The following RAD50 variants were observed in gnomAD, a reference collection of about 807,000 sequenced individuals.
RAD50 encodes RAD50 double strand break repair protein, also known as DNA repair protein RAD50.
In RAD50, 132 loss-of-function variants were observed where a neutral mutation model predicts 168.8. The observed-to-expected ratio is 0.78, with a 90% CI of 0.68 to 0.90. The LOEUF is 0.90. Ranked by LOEUF, RAD50 falls within the 40% of genes least tolerant of loss-of-function variation. RAD50 has a pLI of 0.00. For synonymous variants in RAD50, 525 were observed against 497.4 expected (o/e 1.06, Z -0.74); for missense variants, 1,347 against 1,534.4 (o/e 0.88, Z 2.04).
chr5:132,638,504 G>C (rs1253035856), intron 23 of RAD50, among the ~76,000 whole-genome samples: 1 of 152,174 alleles, frequency 6.6e-6, no homozygotes, highest in Non-Finnish European at 1.5e-5. Flanking sequence ...AGTTTTCATG[G>C]CACTCCTTAT....
rs1369746254 is a variant in RAD50, at chr5:132,609,282, G to A, written c.2923-1G>A. 1 of 1,609,626 alleles carries A rather than the reference G, an allele frequency of 6.2e-7. No individual in the cohort carries two copies. Among genetic ancestry groups the A allele is most frequent in the Admixed American group, 1.7e-5 (1 of 59,410 alleles). Reference sequence around the variant, plus strand: ...TGCTTAAAGAATTTTCTTTTTTGTAGCAAAAAGAAACTGAACTTAATAAAG... The same window carrying A: ...TGCTTAAAGAATTTTCTTTTTTGTAACAAAAAGAAACTGAACTTAATAAAG... On this transcript the variant is annotated splice_acceptor_variant, in intron 18 of 24. Transcript: ENST00000378823. LOFTEE classifies it high-confidence loss of function.
intron 19 of RAD50, among the ~76,000 whole-genome samples, chr5:132,614,534 T>C (rs1751141550): frequency 6.6e-6 from 1 of 152,030 alleles, no homozygotes; most frequent in African/African-American, 2.4e-5. Context: ...TCTAGGATGC[T>C]CAAGTCCCTT....
rs375601920 is a variant in RAD50 at position 132,589,607 on chromosome 5, C to T, written c.1246-24C>T. 8 of 1,492,296 alleles carry T rather than the reference C, an allele frequency of 5.4e-6. No homozygotes were observed. The African/African-American group carries it at 1.1e-4, about 21-fold the overall frequency. The allele number at this position is 1,492,296 out of a possible 1,614,324, so 92.4% of individuals were successfully genotyped here. A position where few individuals can be genotyped will look rare whatever the true frequency, so the allele number is the denominator to read the frequency against. On this transcript the variant is annotated intron_variant, in intron 8 of 24. Transcript: ENST00000378823. ...TAAATTGTTTAGTAAATTATTAATG[C>T]TCATTCTTTACATATGCATTTAGAA...
chr5:132,634,699 G>A (rs1482887300), intron 21 of RAD50, among the ~76,000 whole-genome samples: 4 of 152,056 alleles, frequency 2.6e-5, no homozygotes, highest in Non-Finnish European at 5.9e-5. Flanking sequence ...GGATATCTGA[G>A]GGAGTCATTT....
At chr5:132,638,617 A>G (rs911074059) in intron 23 of RAD50, among the ~76,000 whole-genome samples, 36 of 152,228 alleles carry the variant, frequency 2.4e-4, no homozygotes, top group African/African-American at 8.4e-4. Flanking sequence ...TTCAGAATCA[A>G]TGACATAATA....
At chr5:132,641,717 T>C (rs1561661524) in intron 24 of RAD50, 1 of 163,490 alleles carries the variant, frequency 6.1e-6, no homozygotes, top group Non-Finnish European at 1.3e-5. Flanking sequence ...TAGACCCAGC[T>C]CTTAAGAAAG....
At chr5:132,616,461 A>G (rs1382030657) in intron 20 of RAD50, among the ~76,000 whole-genome samples, 1 of 152,248 alleles carries the variant, frequency 6.6e-6, no homozygotes, top group Non-Finnish European at 1.5e-5. Context: ...TGTCTGGGTC[A>G]GAGCTTGTAC....
rs749520325 is a variant in RAD50, at chr5:132,642,990, A to G, written c.*626A>G. ...TCAGTACCCACCACCTTCTTCTCCT[A>G]CATATCCCTTCCAGATGGTCATCCA... On this transcript the variant is annotated 3_prime_UTR_variant, in exon 25 of 25. Transcript: ENST00000378823. 4 of 528,068 alleles carry G rather than the reference A, an allele frequency of 7.6e-6. No individual in the cohort carries two copies. The highest frequency in any genetic ancestry group is 6.2e-5 in the South Asian group (4 of 64,798). 32.7% of individuals were successfully genotyped at this position (528,068 alleles called of 1,614,324 possible). A position where few individuals can be genotyped will look rare whatever the true frequency, so the allele number is the denominator to read the frequency against.
At chr5:132,621,404 C>T (rs368632587) in intron 21 of RAD50, among the ~76,000 whole-genome samples, 1 of 152,094 alleles carries the variant, frequency 6.6e-6, no homozygotes, top group South Asian at 2.1e-4. Flanking sequence ...TTAGTTTTAC[C>T]TTGTTTTTAA....
chr5:132,640,266 G>C (rs941590493), intron 23 of RAD50, among the ~76,000 whole-genome samples: 1 of 152,194 alleles, frequency 6.6e-6, no homozygotes, highest in African/African-American at 2.4e-5. Flanking sequence ...ACGTGTCGAA[G>C]TTTTCTAACA....
chr5:132,624,067 A>G (rs1291460053), intron 21 of RAD50, among the ~76,000 whole-genome samples: 1 of 152,212 alleles, frequency 6.6e-6, no homozygotes, highest in Non-Finnish European at 1.5e-5. Context: ...TTTTTGTTAG[A>G]TTAAGTTTAA....
At chr5:132,639,381 A>T (rs111898425) in intron 23 of RAD50, among the ~76,000 whole-genome samples, 1 of 150,978 alleles carries the variant, frequency 6.6e-6, no homozygotes, top group East Asian at 1.9e-4. Flanking sequence ...AGAACATGCC[A>T]TGCATATATG....
chr5:132,603,151 A>G (rs1261003216), intron 13 of RAD50, 149 bp from the exon 14 acceptor site: 1 of 738,152 alleles, frequency 1.4e-6, no homozygotes, highest in Non-Finnish European at 2.2e-6. Context: ...GTAATAAGAC[A>G]TATTGATATC....
chr5:132,610,450 G>A (rs1751065300), intron 19 of RAD50, among the ~76,000 whole-genome samples: 1 of 151,966 alleles, frequency 6.6e-6, no homozygotes, highest in Non-Finnish European at 1.5e-5. Context: ...ATCATATTAA[G>A]AAGCCATCAT....
intron 2 of RAD50, among the ~76,000 whole-genome samples, chr5:132,569,366 C>G (rs927952771): frequency 6.6e-6 from 1 of 151,958 alleles, no homozygotes; most frequent in African/African-American, 2.4e-5. Flanking sequence ...GCTGAAGTGA[C>G]CATATTAATA....
chr5:132,595,490 A>G (rs1035905887), intron 12 of RAD50, 83 bp from the exon 13 acceptor site: 5 of 829,666 alleles, frequency 6.0e-6, no homozygotes, highest in Non-Finnish European at 9.6e-6. Flanking sequence ...TCATATATTT[A>G]TAGAAAAAGA....
intron 12 of RAD50, 74 bp from the exon 13 acceptor site, chr5:132,595,499 G>C: frequency 1.1e-6 from 1 of 924,798 alleles, no homozygotes; most frequent in South Asian, 1.5e-5. Context: ...TATAGAAAAA[G>C]ATACAACCGT....
chr5:132,628,279 GAA>G (rs1161850794), intron 21 of RAD50, among the ~76,000 whole-genome samples: 2 of 152,164 alleles, frequency 1.3e-5, no homozygotes. Flanking sequence ...CATAGAGAGA[GAA>G]GGGAAAGGTC....
intron 21 of RAD50, among the ~76,000 whole-genome samples, chr5:132,628,358 G>C (rs1027454911): frequency 6.6e-6 from 1 of 152,204 alleles, no homozygotes; most frequent in African/African-American, 2.4e-5. Flanking sequence ...GATTTTAAAA[G>C]ATGTGGTATC....
Sources: allele counts gnomAD v4.1 joint callset (sites outside exome capture counted in the v4.1 genomes callset), GRCh38; gene constraint gnomAD v4.1.1; transcripts MANE v1.5; gene names NCBI Gene and HGNC (gene_info 2026-07-23, HGNC 2026-07-21).